Variants in CTNNA2 observed in about 807,000 individuals in gnomAD.
CTNNA2 encodes catenin alpha-2.
A neutral mutation model predicts 101.0 loss-of-function variants in CTNNA2; 42 were observed. The ratio of observed to expected loss-of-function variants is 0.42; its 90% confidence interval spans 0.32 to 0.54. The LOEUF (loss-of-function observed/expected upper bound fraction) is 0.54. CTNNA2 is among the 20% of genes least tolerant of loss of function. The pLI, the probability that CTNNA2 is intolerant of heterozygous loss-of-function variation, is 0.14. For missense variants in CTNNA2, 871 were observed against 1,223.1 expected (o/e 0.71, Z 4.29); for synonymous variants, 450 against 456.4 (o/e 0.99, Z 0.18).
intron 7 of CTNNA2, among the ~76,000 whole-genome samples, chr2:80,006,348 G>A (rs867638233): frequency 2.7e-4 from 35 of 129,782 alleles, no homozygotes; most frequent in African/African-American, 9.3e-4. Context: ...ACATCCCTAT[G>A]AGAAGTGCAG....
rs78860972 is a variant in CTNNA2 at position 80,618,781 on chromosome 2, C to G, written c.2431-304C>G. The stretch of plus-strand genomic sequence containing the variant: ...AACACTTTAAATAGGGGATTCACCC[C>G]CTTTGAGCCCCACTATAGTTGTCCC... On this transcript the variant is annotated intron_variant, in intron 17 of 18. Transcript: ENST00000402739. 8.3e-4 allele frequency: 166 copies of G among 199,560 alleles called. 2 individuals are homozygous for G. In the South Asian group the frequency reaches 0.019, roughly 22 times the overall value. 12.4% of individuals were successfully genotyped at this position (199,560 alleles called of 1,614,324 possible).
intron 9 of CTNNA2, among the ~76,000 whole-genome samples, chr2:80,457,192 T>C (rs1684053718): frequency 6.6e-6 from 1 of 151,874 alleles, no homozygotes. Context: ...GCCTCCCGAG[T>C]AGCTGGGATT....
chr2:80,242,892 G>A (rs1558935263), intron 7 of CTNNA2, among the ~76,000 whole-genome samples: 1 of 152,134 alleles, frequency 6.6e-6, no homozygotes, highest in Non-Finnish European at 1.5e-5. Flanking sequence ...CAGGGTCCAG[G>A]CTATGGGTTT....
intron 4 of CTNNA2, among the ~76,000 whole-genome samples, chr2:79,440,126 G>A (rs7564015): frequency 0.48 from 72,869 of 151,876 alleles, 18,297 homozygotes; most frequent in East Asian, 0.63. Context: ...GTTTCTAAAG[G>A]TTCTATTAAG....
chr2:80,026,891 A>C (rs1339990104), intron 7 of CTNNA2, among the ~76,000 whole-genome samples: 1 of 152,158 alleles, frequency 6.6e-6, no homozygotes, highest in Non-Finnish European at 1.5e-5. Flanking sequence ...TGAAGTCCCT[A>C]CTATGTATTT....
intron 7 of CTNNA2, among the ~76,000 whole-genome samples, chr2:80,020,642 A>AT (rs1341094989): frequency 1.3e-5 from 2 of 152,210 alleles, no homozygotes; most frequent in African/African-American, 2.4e-5. Context: ...CTATGCAGAG[A>AT]ACCCCTTTTC....
chr2:79,706,420 A>G (rs1323970821), intron 2 of CTNNA2, among the ~76,000 whole-genome samples: 3 of 151,746 alleles, frequency 2.0e-5, no homozygotes, highest in South Asian at 2.1e-4. Flanking sequence ...TTTGCCTACA[A>G]CAGGTTACTT....
chr2:79,935,235 A>G (rs1239089519), intron 7 of CTNNA2, among the ~76,000 whole-genome samples: 1 of 152,126 alleles, frequency 6.6e-6, no homozygotes, highest in African/African-American at 2.4e-5. Flanking sequence ...TCTTTGTTTT[A>G]TAGATGAGGG....
chr2:79,245,571 A>G (rs735358), intron 2 of CTNNA2, among the ~76,000 whole-genome samples: 104,199 of 152,134 alleles, frequency 0.68, 36,124 homozygotes, highest in East Asian at 0.85. Flanking sequence ...GCTCTACTCT[A>G]GGAATCATGC....
At position 79,669,008 on chromosome 2, in the gene CTNNA2, G is replaced by T. The variant is rs188178561; in HGVS notation, c.102+17350G>T. On this transcript the variant is annotated intron_variant, in intron 2 of 18. Transcript: ENST00000402739. ...CACTGTGTGCTAATCCCAGCAGGCT[G>T]GGTGAGGTGTGTAGATGGTATCTCA... Among the ~76,000 whole-genome samples the T allele has an allele frequency of 3.9e-5, 6 of 152,338 alleles. No individual in the cohort carries two copies. The East Asian group carries it at 9.7e-4, about 25-fold the overall frequency.
intron 2 of CTNNA2, among the ~76,000 whole-genome samples, chr2:79,277,098 T>C (rs944915784): frequency 6.6e-6 from 1 of 152,114 alleles, no homozygotes; most frequent in Non-Finnish European, 1.5e-5. Context: ...CAGCAAAAGA[T>C]AAAGAGCAGG....
At chr2:80,130,673 G>A (rs1409695109) in intron 7 of CTNNA2, among the ~76,000 whole-genome samples, 1 of 152,124 alleles carries the variant, frequency 6.6e-6, no homozygotes, top group Non-Finnish European at 1.5e-5. Flanking sequence ...AATGAGAATA[G>A]AGAATACTTT....
Position 79,814,747 on chromosome 2 carries a change from G to C in CTNNA2, c.299-43266G>C, listed in dbSNP as rs565982170. ...TGTGCTGCTATAAACATGCATGTGC[G>C]AGTATCTTTTTCATGTACTGGCCTC... On this transcript the variant is annotated intron_variant, in intron 3 of 18. Coordinates refer to ENST00000402739, the MANE Select transcript of CTNNA2 (RefSeq NM_001282597.3). Among the ~76,000 whole-genome samples the C allele has an allele frequency of 5.3e-5, 8 of 152,172 alleles. No homozygotes were observed. In the South Asian group the frequency reaches 1.7e-3, roughly 32 times the overall value.
chr2:79,615,868 T>G (rs1678583827), intron 1 of CTNNA2, among the ~76,000 whole-genome samples: 1 of 152,176 alleles, frequency 6.6e-6, no homozygotes, highest in African/African-American at 2.4e-5. Context: ...AGTAACTCAG[T>G]GATACATGCA....
At chr2:80,508,965 TGTTA>T (rs1688494337) in intron 9 of CTNNA2, among the ~76,000 whole-genome samples, 1 of 152,208 alleles carries the variant, frequency 6.6e-6, no homozygotes, top group East Asian at 1.9e-4. Flanking sequence ...TTTTTATCTT[TGTTA>T]TTTTTTCCAT....
At chr2:79,619,325 C>T (rs1678849573) in intron 1 of CTNNA2, among the ~76,000 whole-genome samples, 3 of 152,174 alleles carry the variant, frequency 2.0e-5, no homozygotes, top group Admixed American at 2.0e-4. Flanking sequence ...GTGGCCAGGT[C>T]CTCCACCAAG....
chr2:80,415,862 T>C (rs866376430), intron 8 of CTNNA2, among the ~76,000 whole-genome samples: 4 of 152,148 alleles, frequency 2.6e-5, no homozygotes, highest in Admixed American at 1.3e-4. Context: ...ATTAACCATA[T>C]AAAAATAGAA....
chr2:80,189,005 T>G (rs1315310749), intron 7 of CTNNA2, among the ~76,000 whole-genome samples: 2 of 135,492 alleles, frequency 1.5e-5, no homozygotes, highest in Admixed American at 1.7e-4. Flanking sequence ...CAGACTGGAG[T>G]ACAGTGGCAT....
chr2:79,391,212 G>A (rs1011465221), intron 4 of CTNNA2, among the ~76,000 whole-genome samples: 1 of 151,990 alleles, frequency 6.6e-6, no homozygotes, highest in African/African-American at 2.4e-5. Context: ...TTAATTTTGT[G>A]AGCTCACTTA....
Sources: gnomAD v4.1 joint callset for allele counts (sites outside exome capture counted in the v4.1 genomes callset) on GRCh38, gnomAD v4.1.1 for gene constraint, MANE v1.5 for transcripts, NCBI Gene and HGNC (gene_info 2026-07-23, HGNC 2026-07-21) for gene names.